The following WWTR1 variants were observed in gnomAD, a reference collection of about 807,000 sequenced individuals.
WWTR1 encodes the protein WW domain-containing transcription regulator protein 1.
In WWTR1, 13 loss-of-function variants were observed where a neutral mutation model predicts 40.1. That is an observed-to-expected ratio of 0.32 (90% CI 0.21 to 0.52). WWTR1 has a LOEUF of 0.52. Ranked by LOEUF, WWTR1 falls within the 20% of genes least tolerant of loss-of-function variation. The probability of loss-of-function intolerance (pLI) is 0.97; values close to 1 mark genes in which losing one functional copy is unlikely to be tolerated. For synonymous variants in WWTR1, 230 were observed against 210.1 expected (o/e 1.09, Z -0.82); for missense variants, 436 against 523.1 (o/e 0.83, Z 1.63).
At chr3:149,633,850 A>C (rs1346560942) in intron 2 of WWTR1, among the ~76,000 whole-genome samples, 2 of 152,148 alleles carry the variant, frequency 1.3e-5, no homozygotes. Flanking sequence ...AGGCTCGATG[A>C]GCAGGGTCAC....
chr3:149,667,902 A>G (rs1268514840), intron 2 of WWTR1, among the ~76,000 whole-genome samples: 1 of 152,226 alleles, frequency 6.6e-6, no homozygotes, highest in Non-Finnish European at 1.5e-5. Context: ...AAAGAGAATT[A>G]AAACATCTTG....
Position 149,519,059 on chromosome 3 carries a change from G to C in WWTR1, c.*1746C>G, listed in dbSNP as rs995481343. 2.0e-5 allele frequency: 3 copies of C among 152,070 alleles called. No individual in the cohort carries two copies. Among genetic ancestry groups the C allele is most frequent in the African/African-American group, 7.2e-5 (3 of 41,468 alleles). The allele number at this position is 152,070 out of a possible 1,614,324, so 9.4% of individuals were successfully genotyped here. A position where few individuals can be genotyped will look rare whatever the true frequency, so the allele number is the denominator to read the frequency against. On this transcript the variant is annotated 3_prime_UTR_variant, in exon 7 of 7. Transcript: ENST00000360632. ...AATAAGTCCCCCATGGAAATTGAAA[G>C]TATCCTCTCAGAGACTCAAATTATT...
chr3:149,648,836 C>G (rs762132712), intron 2 of WWTR1, among the ~76,000 whole-genome samples: 1 of 152,160 alleles, frequency 6.6e-6, no homozygotes, highest in Admixed American at 6.5e-5. Flanking sequence ...GACCACAGGT[C>G]GAAACCAGCT....
intron 5 of WWTR1, among the ~76,000 whole-genome samples, chr3:149,711,134 CAG>C (rs1413357878): frequency 7.4e-5 from 10 of 135,800 alleles, no homozygotes; most frequent in Non-Finnish European, 1.2e-4. Context: ...GAAGAGGAGA[CAG>C]AAGCGTAGGG....
chr3:149,709,210 A>G lies in WWTR1; in HGVS notation n.585-5882T>C, dbSNP rs181628485. Among the ~76,000 whole-genome samples, 534 of 151,306 alleles carry G rather than the reference A, an allele frequency of 3.5e-3. 10 individuals are homozygous for G. The highest frequency in any genetic ancestry group is 2.9e-3 in the East Asian group (15 of 5,140). ...GGCTGGCCTCAAATTCCTGGGCTCA[A>G]GCAGTCTGCCTGCCTCGACTTCCCA... On this transcript the variant is annotated intron_variant and non_coding_transcript_variant, in intron 5 of 6. Transcript: ENST00000474080.
At chr3:149,545,420 C>T (rs1315174104) in intron 3 of WWTR1, among the ~76,000 whole-genome samples, 1 of 152,206 alleles carries the variant, frequency 6.6e-6, no homozygotes. Context: ...GTATCTGACA[C>T]AACTACTAGA....
At chr3:149,672,782 C>CTT (rs34174367) in intron 1 of WWTR1, among the ~76,000 whole-genome samples, 7 of 129,286 alleles carry the variant, frequency 5.4e-5, no homozygotes, top group South Asian at 2.5e-4. Flanking sequence ...AAGTTTTTTC[C>CTT]TTTTTTTTTT....
Position 149,656,789 on chromosome 3 carries a change from T to TCACACACA in WWTR1, c.431+86_431+87insTGTGTGTG, listed in dbSNP as rs1481000636. 249 of 792,962 alleles carry TCACACACA rather than the reference T, an allele frequency of 3.1e-4. 1 individual carries two copies. Among genetic ancestry groups the TCACACACA allele is most frequent in the African/African-American group, 2.0e-3 (105 of 51,424 alleles). 49.1% of individuals were successfully genotyped at this position (792,962 alleles called of 1,614,324 possible). A position where few individuals can be genotyped will look rare whatever the true frequency, so the allele number is the denominator to read the frequency against. ...TTCTCTCTCTCTCTCTCTCTCTCTC[T>TCACACACA]CTCACACACACACACACACACACAC... On this transcript the variant is annotated intron_variant, in intron 2 of 6. Transcript: ENST00000360632.
chr3:149,666,765 C>G (rs577934828), intron 2 of WWTR1, among the ~76,000 whole-genome samples: 1 of 152,326 alleles, frequency 6.6e-6, no homozygotes, highest in South Asian at 2.1e-4. Context: ...CACCAGGACT[C>G]AACCCCTCCA....
At chr3:149,633,084 T>C (rs1456605526) in intron 2 of WWTR1, among the ~76,000 whole-genome samples, 1 of 152,190 alleles carries the variant, frequency 6.6e-6, no homozygotes, top group African/African-American at 2.4e-5. Context: ...TATATATCAA[T>C]GAAGCTGTTA....
At chr3:149,667,547 CAA>C (rs10611956) in intron 2 of WWTR1, among the ~76,000 whole-genome samples, 5,106 of 137,402 alleles carry the variant, frequency 0.037, 182 homozygotes, top group East Asian at 0.13. Flanking sequence ...GACTCCATCT[CAA>C]AAAAAAAAAA....
intron 2 of WWTR1, chr3:149,576,181 G>C: frequency 2.3e-6 from 1 of 440,738 alleles, no homozygotes; most frequent in South Asian, 1.6e-5. Context: ...CGCTAACATG[G>C]TGTCAAGAGT....
intron 4 of WWTR1, among the ~76,000 whole-genome samples, chr3:149,721,511 T>G (rs1320051074): frequency 6.6e-6 from 1 of 152,200 alleles, no homozygotes; most frequent in East Asian, 1.9e-4. Flanking sequence ...TACTCATATT[T>G]TGTTCAGAAT....
intron 2 of WWTR1, among the ~76,000 whole-genome samples, chr3:149,597,586 G>T (rs1739058782): frequency 6.6e-6 from 1 of 152,172 alleles, no homozygotes; most frequent in Non-Finnish European, 1.5e-5. Context: ...GGGTGAGGCT[G>T]CTGTGAGCTG....
At position 149,519,898 on chromosome 3, in the gene WWTR1, G is replaced by C. The variant is rs1182688391; in HGVS notation, c.*907C>G. ...GCAGAGGTTGCAGTGAGCCGAGATT[G>C]TGCCATTGCATTCCAGCCTGGACAA... On this transcript the variant is annotated 3_prime_UTR_variant, in exon 7 of 7. Transcript: ENST00000360632. 1 of 151,924 alleles carries C rather than the reference G, an allele frequency of 6.6e-6. No individual in the cohort carries two copies. Among genetic ancestry groups the C allele is most frequent in the Non-Finnish European group, 1.5e-5 (1 of 68,034 alleles). The allele number at this position is 151,924 out of a possible 1,614,324, so 9.4% of individuals were successfully genotyped here.
chr3:149,603,554 C>CCTCCG (rs1739348916), intron 2 of WWTR1, among the ~76,000 whole-genome samples: 3 of 146,502 alleles, frequency 2.0e-5, no homozygotes, highest in African/African-American at 7.8e-5. Context: ...TTCCCCACCC[C>CCTCCG]CCCCTTGTAC....
intron 2 of WWTR1, among the ~76,000 whole-genome samples, chr3:149,616,404 T>A (rs2108076494): frequency 6.6e-6 from 1 of 152,250 alleles, no homozygotes; most frequent in East Asian, 1.9e-4. Context: ...TTTCTTCCTC[T>A]GTACTTTCCT....
At chr3:149,591,007 T>G (rs1031057689) in intron 2 of WWTR1, among the ~76,000 whole-genome samples, 1 of 152,062 alleles carries the variant, frequency 6.6e-6, no homozygotes, top group Non-Finnish European at 1.5e-5. Context: ...AGCTTTTTTT[T>G]TTTTTTTAAC....
intron 5 of WWTR1, among the ~76,000 whole-genome samples, chr3:149,711,762 T>C (rs1368333204): frequency 2.0e-5 from 3 of 152,248 alleles, no homozygotes; most frequent in Non-Finnish European, 4.4e-5. Context: ...CACATTTTCC[T>C]GCCACATTTT....
Sources: allele counts gnomAD v4.1 joint callset (sites outside exome capture counted in the v4.1 genomes callset), GRCh38; gene constraint gnomAD v4.1.1; transcripts MANE v1.5; gene names NCBI Gene and HGNC (gene_info 2026-07-23, HGNC 2026-07-21).